Variants in PIEZO2 observed in about 807,000 individuals in gnomAD.
The protein encoded by PIEZO2 is piezo type mechanosensitive ion channel component 2, also known as piezo-type mechanosensitive ion channel component 2.
PIEZO2 carries 172 observed loss-of-function variants against 337.3 expected under a neutral mutation model. That is an observed-to-expected ratio of 0.51 (90% confidence interval 0.45 to 0.58). The LOEUF is 0.58. Ranked by LOEUF, PIEZO2 falls within the 20% of genes least tolerant of loss-of-function variation. The probability of loss-of-function intolerance (pLI) is 0.00; values close to 1 mark genes in which losing one functional copy is unlikely to be tolerated. For missense variants in PIEZO2, 3,028 were observed against 3,391.3 expected (o/e 0.89, Z 2.66); for synonymous variants, 1,251 against 1,228.5 (o/e 1.02, Z -0.38).
Position 10,724,754 on chromosome 18 carries a change from C to G in PIEZO2, c.5030-6495G>C. ...CTGTACCCCTGGTCTCAGTCCCTGG[C>G]CTTGCCCGTGGCTCTGGCAGTCCCC... On this transcript the variant is annotated intron_variant, in intron 36 of 55. Coordinates refer to ENST00000674853, the MANE Select transcript of PIEZO2 (RefSeq NM_001378183.1). The surrounding 1 kb of genome is among the most constrained non-coding windows in gnomAD (Gnocchi z 5.8). The G allele has an allele frequency of 6.4e-7, 1 of 1,557,342 alleles. No homozygotes were observed. Among genetic ancestry groups the G allele is most frequent in the Non-Finnish European group, 8.7e-7 (1 of 1,147,638 alleles).
intron 47 of PIEZO2, among the ~76,000 whole-genome samples, chr18:10,693,552 G>A (rs1220186225): frequency 3.3e-5 from 5 of 150,678 alleles, no homozygotes; most frequent in African/African-American, 4.9e-5. Context: ...TTTTTAAGAC[G>A]GGGTTTCACC....
intron 36 of PIEZO2, 100 bp from the exon 37 acceptor site, chr18:10,718,359 T>A: frequency 1.0e-6 from 1 of 959,042 alleles, no homozygotes; most frequent in Non-Finnish European, 1.6e-6. Flanking sequence ...TAATTAACTC[T>A]AGGACATTCT....
chr18:10,733,511 G>A (rs956307382), intron 35 of PIEZO2, among the ~76,000 whole-genome samples: 6 of 148,108 alleles, frequency 4.1e-5, no homozygotes, highest in Admixed American at 1.4e-4. Flanking sequence ...GAGCAGTGGC[G>A]CCATCTCCGC....
intron 1 of PIEZO2, among the ~76,000 whole-genome samples, chr18:11,091,334 A>G (rs2039081977): frequency 6.6e-6 from 1 of 150,846 alleles, no homozygotes. Context: ...CAGTGAGTCC[A>G]GATGGTGACA....
At position 10,741,016 on chromosome 18, in the gene PIEZO2, A is replaced by G. The variant is rs1048827855; in HGVS notation, c.4708+15T>C. 2.0e-6 allele frequency: 3 copies of G among 1,536,452 alleles called. No homozygotes were observed. The East Asian group carries it at 7.3e-5, about 38-fold the overall frequency. On this transcript the variant is annotated intron_variant, in intron 33 of 55. Coordinates refer to ENST00000674853, the MANE Select transcript of PIEZO2 (RefSeq NM_001378183.1). ...TTAGAGTCGATGAGGTTGTAAGGGG[A>G]TCGAGAAAACCTACTGGAAGCATGA...
Position 10,726,947 on chromosome 18 carries a change from T to G in PIEZO2, c.5029+4460A>C, listed in dbSNP as rs973373272. ...CGCCTGCTGCCCGACTGATGTAGGTTGAGGGCTGCAGACAGAGGCCCTGGA... is the reference window on the plus strand; with the variant it reads ...CGCCTGCTGCCCGACTGATGTAGGTGGAGGGCTGCAGACAGAGGCCCTGGA... On this transcript the variant is annotated intron_variant, in intron 36 of 55. Coordinates refer to ENST00000674853, the MANE Select transcript of PIEZO2 (RefSeq NM_001378183.1). The surrounding 1 kb of genome is among the most constrained non-coding windows in gnomAD (Gnocchi z 5.9). 9.4e-6 allele frequency: 14 copies of G among 1,482,146 alleles called. No individual in the cohort carries two copies. The highest frequency in any genetic ancestry group is 8.4e-5 in the African/African-American group (6 of 71,240). 91.8% of individuals were successfully genotyped at this position (1,482,146 alleles called of 1,614,324 possible). A position where few individuals can be genotyped will look rare whatever the true frequency, so the allele number is the denominator to read the frequency against.
intron 2 of PIEZO2, among the ~76,000 whole-genome samples, chr18:11,024,556 AAAAAAAAG>A (rs1277932681): frequency 6.6e-6 from 1 of 150,994 alleles, no homozygotes; most frequent in Non-Finnish European, 1.5e-5. Context: ...AGAAAAAAAA[AAAAAAAAG>A]AAAAAAGAAA....
Position 11,092,395 on chromosome 18 carries a change from A to T in PIEZO2, c.65-26173T>A, listed in dbSNP as rs1384220269. On this transcript the variant is annotated intron_variant, in intron 1 of 55. Transcript: ENST00000674853. The surrounding 1 kb of genome is among the most constrained non-coding windows in gnomAD (Gnocchi z 4.5). The stretch of plus-strand genomic sequence containing the variant: ...TTCCATGTGATTCAATTTTATTAAG[A>T]TATGTGAAATGATATCTCATATTTG... Among the ~76,000 whole-genome samples the T allele has an allele frequency of 1.3e-5, 2 of 152,240 alleles. No individual in the cohort carries two copies. Among genetic ancestry groups the T allele is most frequent in the Non-Finnish European group, 2.9e-5 (2 of 68,038 alleles).
At chr18:10,723,696 C>T (rs116289754) in intron 36 of PIEZO2, among the ~76,000 whole-genome samples, 31 of 152,050 alleles carry the variant, frequency 2.0e-4, no homozygotes, top group South Asian at 8.3e-4. Context: ...TGGGGGGAGA[C>T]GGGATTGGAC....
Position 10,979,733 on chromosome 18 carries a change from T to C in PIEZO2, c.161-73A>G, listed in dbSNP as rs1448835036. Reference sequence around the variant, plus strand: ...ACACTGGTGCTGTCTCTTGTACATATTTCTGTATAACCTATTAGATAGACC... The same window carrying C: ...ACACTGGTGCTGTCTCTTGTACATACTTCTGTATAACCTATTAGATAGACC... On this transcript the variant is annotated intron_variant, in intron 2 of 55. Transcript: ENST00000674853. The surrounding 1 kb of genome is among the most constrained non-coding windows in gnomAD (Gnocchi z 4.0). 7.3e-6 allele frequency: 10 copies of C among 1,370,948 alleles called. No homozygotes were observed. Among genetic ancestry groups the C allele is most frequent in the Non-Finnish European group, 8.7e-6 (9 of 1,040,038 alleles). The allele number at this position is 1,370,948 out of a possible 1,614,324, so 84.9% of individuals were successfully genotyped here.
In PIEZO2 at chr18:10,821,956, C is replaced by A. The variant is rs1367958439; in HGVS notation, c.918-14682G>T. ...TTTGTCAGAGAAAATCAAAGTTACA[C>A]ATTTTGTAATGAAAATAGATTTTCT... On this transcript the variant is annotated intron_variant, in intron 7 of 55. Transcript: ENST00000674853. The surrounding 1 kb of genome is among the most constrained non-coding windows in gnomAD (Gnocchi z 4.2). Among the ~76,000 whole-genome samples the A allele has an allele frequency of 6.6e-6, 1 of 152,138 alleles. No individual in the cohort carries two copies. Among genetic ancestry groups the A allele is most frequent in the African/African-American group, 2.4e-5 (1 of 41,412 alleles).
intron 7 of PIEZO2, among the ~76,000 whole-genome samples, chr18:10,835,140 G>C (rs1022926249): frequency 7.2e-5 from 11 of 152,160 alleles, no homozygotes; most frequent in African/African-American, 2.7e-4. Flanking sequence ...TTGGCACCTC[G>C]ATCTTGGACT....
intron 1 of PIEZO2, among the ~76,000 whole-genome samples, chr18:11,135,548 T>C (rs1018482547): frequency 3.3e-5 from 5 of 152,208 alleles, no homozygotes; most frequent in African/African-American, 1.2e-4. Flanking sequence ...TGCAGATTGA[T>C]TGATTGATTG....
In PIEZO2 at chr18:11,148,571, C is replaced by T. The variant is rs2040868944; in HGVS notation, c.18G>A (p.Val6=). 1 of 1,537,074 alleles carries T rather than the reference C, an allele frequency of 6.5e-7. No individual in the cohort carries two copies. The highest frequency in any genetic ancestry group is 2.0e-5 in the Admixed American group (1 of 50,980). ...GCAGCAGCCTGAAGATGAGCCCGCA[C>T]ACCACTTCTGAGGCCATCGCGTCGG... MASEV[V]CGLIFRLLLP... is the part of the protein sequence containing the mutation. Residue 6 remains valine (V), a synonymous_variant, in exon 1 of 56, where the codon GTG becomes GTA. Coordinates refer to ENST00000674853, the MANE Select transcript of PIEZO2 (RefSeq NM_001378183.1). This position sits in a 1 kb window ranked among gnomAD's most constrained non-coding sequence, Gnocchi z 5.2.
chr18:10,801,513 A>G (rs2039814242), intron 9 of PIEZO2, 85 bp from the exon 10 acceptor site: 1 of 1,249,820 alleles, frequency 8.0e-7, no homozygotes, highest in African/African-American at 1.5e-5. Flanking sequence ...TTTACTGTGC[A>G]CAAGCCCATT....
At chr18:10,852,601 G>A (rs2144677073) in intron 7 of PIEZO2, among the ~76,000 whole-genome samples, 1 of 152,260 alleles carries the variant, frequency 6.6e-6, no homozygotes, top group Non-Finnish European at 1.5e-5. Context: ...TATAATTTAC[G>A]ATCACATTAA....
intron 7 of PIEZO2, among the ~76,000 whole-genome samples, chr18:10,836,241 T>A (rs1006197333): frequency 3.3e-5 from 5 of 152,222 alleles, no homozygotes; most frequent in Non-Finnish European, 7.3e-5. Context: ...GAATTTATAA[T>A]GCTGACTCTC....
At position 10,870,119 on chromosome 18, in the gene PIEZO2, GC is replaced by G. The variant is rs552543731; in HGVS notation, c.492+1133del. Among the ~76,000 whole-genome samples the G allele has an allele frequency of 2.5e-3, 374 of 152,246 alleles. 1 individual carries two copies. The highest frequency in any genetic ancestry group is 8.5e-3 in the African/African-American group (352 of 41,552). ...TCGAACTCATGACCTCAGGTGATCT[GC>G]CCACCTGGGCCTCCCAAGGTGCTGG... On this transcript the variant is annotated intron_variant, in intron 5 of 55. Transcript: ENST00000674853. The surrounding 1 kb of genome is among the most constrained non-coding windows in gnomAD (Gnocchi z 5.3).
chr18:10,892,161 C>T (rs2042775757), intron 4 of PIEZO2, among the ~76,000 whole-genome samples: 1 of 152,062 alleles, frequency 6.6e-6, no homozygotes, highest in Non-Finnish European at 1.5e-5. Context: ...CAATTATCGA[C>T]CAACCAATCA....
Sources: allele counts gnomAD v4.1 joint callset (sites outside exome capture counted in the v4.1 genomes callset), GRCh38; gene constraint gnomAD v4.1.1; non-coding constraint Gnocchi (gnomAD v3.1); transcripts MANE v1.5; gene names NCBI Gene and HGNC (gene_info 2026-07-23, HGNC 2026-07-21).